The following EIPR1 variants were observed in gnomAD, a reference collection of about 807,000 sequenced individuals.
EIPR1 encodes the protein EARP and GARP complex-interacting protein 1.
EIPR1 carries 25 observed loss-of-function variants against 48.1 expected under a neutral mutation model. The observed-to-expected ratio is 0.52, with a 90% confidence interval of 0.38 to 0.73. The LOEUF is 0.73. Among genes scored for constraint, EIPR1 ranks in the 30% least tolerant of loss-of-function variants. The probability of loss-of-function intolerance (pLI) is 0.00; values close to 1 mark genes in which losing one functional copy is unlikely to be tolerated. For missense variants in EIPR1, 415 were observed against 506.2 expected (o/e 0.82, Z 1.73); for synonymous variants, 204 against 201.9 (o/e 1.01, Z -0.09).
chr2:3,329,878 A>C (rs1669833764), intron 3 of EIPR1, among the ~76,000 whole-genome samples: 2 of 151,392 alleles, frequency 1.3e-5, no homozygotes, highest in African/African-American at 4.9e-5. Context: ...TCGGGGCACC[A>C]GCCTGGGCTC....
At chr2:3,203,130 A>C (rs887554662) in intron 5 of EIPR1, among the ~76,000 whole-genome samples, 2 of 152,262 alleles carry the variant, frequency 1.3e-5, no homozygotes, top group African/African-American at 4.8e-5. Flanking sequence ...GTAGATGTGA[A>C]TATCACCATT....
At chr2:3,324,480 T>C (rs55772506) in intron 3 of EIPR1, among the ~76,000 whole-genome samples, 69,416 of 152,142 alleles carry the variant, frequency 0.46, 17,177 homozygotes, top group East Asian at 0.81. Flanking sequence ...TCCCAGGCCG[T>C]GGCCACATAC....
At chr2:3,233,204 A>T (rs1666296489) in intron 4 of EIPR1, among the ~76,000 whole-genome samples, 1 of 151,560 alleles carries the variant, frequency 6.6e-6, no homozygotes, top group Admixed American at 6.6e-5. Context: ...TTATTCTGCA[A>T]CTTGCTTTTT....
At chr2:3,324,779 G>A (rs2103330323) in intron 3 of EIPR1, among the ~76,000 whole-genome samples, 1 of 152,348 alleles carries the variant, frequency 6.6e-6, no homozygotes, top group South Asian at 2.1e-4. Context: ...GCCGGGGGGA[G>A]TGCAGGCGGC....
chr2:3,376,891 C>T (rs12464207), intron 1 of EIPR1, among the ~76,000 whole-genome samples: 21,621 of 152,192 alleles, frequency 0.14, 1,931 homozygotes, highest in Non-Finnish European at 0.2. Context: ...CCTACACAAT[C>T]CTCATCTTCC....
intron 3 of EIPR1, among the ~76,000 whole-genome samples, chr2:3,322,940 C>T (rs1048717101): frequency 1.4e-4 from 21 of 152,160 alleles, no homozygotes; most frequent in African/African-American, 5.1e-4. Context: ...GATGCCTTGG[C>T]GTACGTGCGA....
chr2:3,246,422 G>A (rs1200695799), intron 4 of EIPR1, among the ~76,000 whole-genome samples: 1 of 152,120 alleles, frequency 6.6e-6, no homozygotes, highest in East Asian at 1.9e-4. Flanking sequence ...CCTTCCCCCT[G>A]CCTCAATACC....
intron 1 of EIPR1, among the ~76,000 whole-genome samples, chr2:3,364,999 A>G (rs1670938791): frequency 6.6e-6 from 1 of 152,252 alleles, no homozygotes; most frequent in South Asian, 2.1e-4. Flanking sequence ...GTTCTGACAT[A>G]AAGAAAAAAC....
intron 4 of EIPR1, among the ~76,000 whole-genome samples, chr2:3,246,813 G>GAGGC (rs1666816739): frequency 1.6e-5 from 1 of 63,608 alleles, no homozygotes; most frequent in Non-Finnish European, 3.0e-5. Flanking sequence ...GGCAGGGAGG[G>GAGGC]AGGGAGGGAG....
At chr2:3,241,089 C>T (rs1295362390) in intron 4 of EIPR1, among the ~76,000 whole-genome samples, 1 of 152,202 alleles carries the variant, frequency 6.6e-6, no homozygotes, top group East Asian at 1.9e-4. Flanking sequence ...GCAGACTCTT[C>T]CTAAAGCAAA....
chr2:3,249,209 C>T (rs1666932151), intron 4 of EIPR1, among the ~76,000 whole-genome samples: 1 of 152,170 alleles, frequency 6.6e-6, no homozygotes, highest in Non-Finnish European at 1.5e-5. Context: ...AGCCAAAATG[C>T]TTATAGAAAT....
At chr2:3,279,232 G>A (rs1156954245) in intron 3 of EIPR1, among the ~76,000 whole-genome samples, 1 of 152,050 alleles carries the variant, frequency 6.6e-6, no homozygotes, top group Non-Finnish European at 1.5e-5. Flanking sequence ...TCATTCTTTG[G>A]AAATCTGATG....
chr2:3,327,374 G>C (rs35639989), intron 3 of EIPR1, among the ~76,000 whole-genome samples: 42,081 of 151,936 alleles, frequency 0.28, 7,843 homozygotes, highest in East Asian at 0.64. Flanking sequence ...AGTAGAGATG[G>C]GGTTTCACCA....
At chr2:3,222,241 T>C (rs1665918738) in intron 4 of EIPR1, among the ~76,000 whole-genome samples, 1 of 152,200 alleles carries the variant, frequency 6.6e-6, no homozygotes, top group African/African-American at 2.4e-5. Flanking sequence ...AGGTGTGGAA[T>C]AAAATAAGTG....
chr2:3,257,313 A>T lies in EIPR1; in HGVS notation c.402T>A (p.His134Gln). 3.1e-6 allele frequency: 5 copies of T among 1,613,886 alleles called. No homozygotes were observed. The highest frequency in any genetic ancestry group is 4.2e-6 in the Non-Finnish European group (5 of 1,179,808). Residue 134 changes from histidine to glutamine, a missense_variant, in exon 4 of 9, where the codon CAT becomes CAA. Transcript: ENST00000382125. ...ELLCHLDNTAHGNMACVVWEP... is the reference protein window; with the variant it reads ...ELLCHLDNTAQGNMACVVWEP... ...CAAAATCCTACCAGGCCATGTTGCCATGGGCTGTGTTGTCAAGGTGACAGA... is the reference window on the plus strand; with the variant it reads ...CAAAATCCTACCAGGCCATGTTGCCTTGGGCTGTGTTGTCAAGGTGACAGA...
chr2:3,324,037 C>T (rs891163943), intron 3 of EIPR1, among the ~76,000 whole-genome samples: 3 of 152,200 alleles, frequency 2.0e-5, no homozygotes, highest in African/African-American at 7.2e-5. Flanking sequence ...GACAGAACAA[C>T]GATTTAAGAA....
chr2:3,265,697 C>T (rs1211341751), intron 3 of EIPR1, among the ~76,000 whole-genome samples: 1 of 152,208 alleles, frequency 6.6e-6, no homozygotes, highest in Non-Finnish European at 1.5e-5. Context: ...CGCAGCAGCA[C>T]TGCCCACAGA....
chr2:3,270,141 G>A (rs1422490342), intron 3 of EIPR1, among the ~76,000 whole-genome samples: 1 of 152,208 alleles, frequency 6.6e-6, no homozygotes, highest in Non-Finnish European at 1.5e-5. Context: ...CCTCCATTTT[G>A]CCCATATAAC....
chr2:3,367,928 C>T (rs1346089887), intron 1 of EIPR1, among the ~76,000 whole-genome samples: 1 of 152,028 alleles, frequency 6.6e-6, no homozygotes, highest in African/African-American at 2.4e-5. Flanking sequence ...GCCTGTAGAC[C>T]CAGCTACTCA....
Sources: allele counts gnomAD v4.1 joint callset (sites outside exome capture counted in the v4.1 genomes callset), GRCh38; gene constraint gnomAD v4.1.1; transcripts MANE v1.5; gene names NCBI Gene and HGNC (gene_info 2026-07-23, HGNC 2026-07-21).